RAB6A: variants seen among roughly 807,000 people sequenced by gnomAD.
RAB6A encodes RAB6A, member RAS oncogene family, also known as ras-related protein Rab-6A.
Under a neutral mutation model 32.3 loss-of-function variants are expected in RAB6A, and 8 were observed. That is an observed-to-expected ratio of 0.25 (90% CI 0.15 to 0.45). The LOEUF (loss-of-function observed/expected upper bound fraction) is 0.45, where lower values mean the gene tolerates loss of function less well. RAB6A is among the 20% of genes least tolerant of loss of function. The probability of loss-of-function intolerance (pLI) is 1.00; values close to 1 mark genes in which losing one functional copy is unlikely to be tolerated. For synonymous variants in RAB6A, 73 were observed against 82.1 expected (o/e 0.89, Z 0.60); for missense variants, 104 against 249.4 (o/e 0.42, Z 3.93).
chr11:73,712,073 T>C (rs1945965742), intron 5 of RAB6A, among the ~76,000 whole-genome samples: 1 of 152,224 alleles, frequency 6.6e-6, no homozygotes, highest in Admixed American at 6.5e-5. Flanking sequence ...TTGTTTATAA[T>C]GTTTTAAGTA....
intron 6 of RAB6A, among the ~76,000 whole-genome samples, chr11:73,680,892 C>T (rs1223776768): frequency 2.6e-5 from 4 of 152,052 alleles, no homozygotes; most frequent in South Asian, 2.1e-4. Context: ...ACAGGAGAAA[C>T]GCACTCAAGC....
At chr11:73,691,881 G>A (rs1945570434) in intron 6 of RAB6A, among the ~76,000 whole-genome samples, 1 of 152,122 alleles carries the variant, frequency 6.6e-6, no homozygotes, top group East Asian at 1.9e-4. Flanking sequence ...GCTGAGGCAG[G>A]AGAAGCACTT....
chr11:73,750,689 A>G (rs990354990), intron 1 of RAB6A, among the ~76,000 whole-genome samples: 1 of 152,116 alleles, frequency 6.6e-6, no homozygotes, highest in Non-Finnish European at 1.5e-5. Context: ...CTAATATTCC[A>G]TTGTATGCAT....
rs563278197 is a variant in RAB6A at position 73,710,690 on chromosome 11, T to C, written c.402-3177A>G. ...AAGTGGGGGTTGCAGTGAGCCGAGG[T>C]TGTGCTATTGCACTCCAGCCTGGGC... On this transcript the variant is annotated intron_variant, in intron 5 of 7. Coordinates refer to ENST00000336083, the MANE Select transcript of RAB6A (RefSeq NM_198896.2). Among the ~76,000 whole-genome samples the C allele has an allele frequency of 2.5e-4, 38 of 152,020 alleles. No individual in the cohort carries two copies. In the South Asian group the frequency reaches 7.7e-3, roughly 31 times the overall value.
intron 1 of RAB6A, among the ~76,000 whole-genome samples, chr11:73,736,327 G>A (rs1489954288): frequency 6.6e-6 from 1 of 152,150 alleles, no homozygotes; most frequent in East Asian, 1.9e-4. Context: ...TACTTGGGAG[G>A]CTGAGGCAGG....
At chr11:73,682,005 A>G (rs1945366154) in intron 6 of RAB6A, among the ~76,000 whole-genome samples, 1 of 152,200 alleles carries the variant, frequency 6.6e-6, no homozygotes, top group Non-Finnish European at 1.5e-5. Context: ...CATCAGCTGT[A>G]AGACTTTGAA....
At chr11:73,682,867 GT>G (rs1382677309) in intron 6 of RAB6A, among the ~76,000 whole-genome samples, 1 of 152,014 alleles carries the variant, frequency 6.6e-6, no homozygotes, top group Non-Finnish European at 1.5e-5. Context: ...ATAATATAAG[GT>G]TAGGCAATCC....
At chr11:73,752,677 C>T (rs1385573118) in intron 1 of RAB6A, among the ~76,000 whole-genome samples, 4 of 151,828 alleles carry the variant, frequency 2.6e-5, no homozygotes, top group South Asian at 2.1e-4. Flanking sequence ...AAATAGCCGG[C>T]CTTGGTGGCG....
intron 1 of RAB6A, among the ~76,000 whole-genome samples, chr11:73,735,005 T>C (rs1946372815): frequency 6.6e-6 from 1 of 152,236 alleles, no homozygotes; most frequent in Non-Finnish European, 1.5e-5. Flanking sequence ...ATATAAAATT[T>C]TGATGCATGT....
intron 3 of RAB6A, chr11:73,718,992 G>T: frequency 1.9e-6 from 2 of 1,075,514 alleles, no homozygotes; most frequent in Non-Finnish European, 1.3e-6. Flanking sequence ...TGGGAAGGAA[G>T]TAGAAAGAAG....
intron 6 of RAB6A, among the ~76,000 whole-genome samples, chr11:73,693,611 C>T (rs1262424944): frequency 3.4e-5 from 5 of 145,766 alleles, no homozygotes; most frequent in Admixed American, 1.4e-4. Flanking sequence ...ACAGGCTGGG[C>T]GCTGTGGCTT....
At chr11:73,692,810 A>AAAT (rs1407612034) in intron 6 of RAB6A, among the ~76,000 whole-genome samples, 2 of 143,550 alleles carry the variant, frequency 1.4e-5, no homozygotes, top group East Asian at 4.2e-4. Context: ...AAAAAAAAAA[A>AAAT]ATTAGCCGGG....
intron 7 of RAB6A, among the ~76,000 whole-genome samples, chr11:73,678,727 T>G (rs1046624028): frequency 7.0e-5 from 4 of 56,812 alleles, no homozygotes; most frequent in African/African-American, 3.5e-4. Context: ...GTTGTTGTGT[T>G]TTTTTTTTTG....
chr11:73,693,392 A>G (rs992887545), intron 6 of RAB6A, among the ~76,000 whole-genome samples: 5 of 152,124 alleles, frequency 3.3e-5, no homozygotes, highest in Admixed American at 2.6e-4. Flanking sequence ...CCAAAAGATT[A>G]ACCAGTAGGT....
rs1323751976 is a variant in RAB6A at position 73,760,730 on chromosome 11, G to A, written c.-95C>T. On this transcript the variant is annotated 5_prime_UTR_variant, in exon 1 of 8. Transcript: ENST00000336083. ...GACGAAAAAGGCGAGCGGAAGGGCG[G>A]GCACCGAGCTCTCTCGGCCCCTGCA... The A allele has an allele frequency of 1.3e-6, 2 of 1,521,940 alleles. No individual in the cohort carries two copies. The highest frequency in any genetic ancestry group is 1.8e-6 in the Non-Finnish European group (2 of 1,124,930). The allele number at this position is 1,521,940 out of a possible 1,614,324, so 94.3% of individuals were successfully genotyped here.
At chr11:73,747,881 A>G (rs935287133) in intron 1 of RAB6A, among the ~76,000 whole-genome samples, 1 of 152,224 alleles carries the variant, frequency 6.6e-6, no homozygotes, top group Non-Finnish European at 1.5e-5. Flanking sequence ...TTCTCAGTGC[A>G]TTATAACAGA....
intron 6 of RAB6A, among the ~76,000 whole-genome samples, chr11:73,688,847 T>C (rs1945500012): frequency 6.6e-6 from 1 of 152,144 alleles, no homozygotes; most frequent in Non-Finnish European, 1.5e-5. Flanking sequence ...TAAGAAACAC[T>C]TGCCACCAGG....
At chr11:73,713,448 G>C (rs1945998427) in intron 5 of RAB6A, among the ~76,000 whole-genome samples, 1 of 151,884 alleles carries the variant, frequency 6.6e-6, no homozygotes, top group Admixed American at 6.6e-5. Flanking sequence ...CGGGTGCCTA[G>C]TCCCAGCTAC....
intron 2 of RAB6A, chr11:73,722,340 TATA>T (rs1358112314): frequency 5.3e-3 from 44 of 8,284 alleles, no homozygotes; most frequent in African/African-American, 0.016. Context: ...TATATATATA[TATA>T]TTTTTTTTTT....
Sources: gnomAD v4.1 joint callset for allele counts (sites outside exome capture counted in the v4.1 genomes callset) on GRCh38, gnomAD v4.1.1 for gene constraint, MANE v1.5 for transcripts, NCBI Gene and HGNC (gene_info 2026-07-23, HGNC 2026-07-21) for gene names.